Variants in PAPPA2 observed in about 807,000 individuals in gnomAD.
The protein encoded by PAPPA2 is pappalysin 2.
A neutral mutation model predicts 176.4 loss-of-function variants in PAPPA2; 86 were observed. The observed-to-expected ratio is 0.49, with a 90% CI of 0.41 to 0.58. The LOEUF is 0.58. Among genes scored for constraint, PAPPA2 ranks in the 20% least tolerant of loss-of-function variants. The probability of loss-of-function intolerance (pLI) is 0.00; values close to 1 mark genes in which losing one functional copy is unlikely to be tolerated. For missense variants in PAPPA2, 2,073 were observed against 2,256.9 expected (o/e 0.92, Z 1.65); for synonymous variants, 809 against 852.2 (o/e 0.95, Z 0.88).
Position 176,722,294 on chromosome 1 carries a change from G to T in PAPPA2, c.3798+10313G>T, listed in dbSNP as rs1033358958. 3.3e-5 allele frequency among the ~76,000 whole-genome samples: 5 copies of T among 151,752 alleles called. No individual in the cohort carries two copies. In the East Asian group the frequency reaches 7.7e-4, roughly 23 times the overall value. ...AATATCAAACACAATAAATTGTAGAGGCTCTGGCTAATATCTTCCTTTCAA... is the reference window on the plus strand; with the variant it reads ...AATATCAAACACAATAAATTGTAGATGCTCTGGCTAATATCTTCCTTTCAA... On this transcript the variant is annotated intron_variant, in intron 12 of 22. Coordinates refer to ENST00000367662, the MANE Select transcript of PAPPA2 (RefSeq NM_020318.3).
At chr1:176,777,308 G>A (rs1664500738) in intron 17 of PAPPA2, among the ~76,000 whole-genome samples, 3 of 152,158 alleles carry the variant, frequency 2.0e-5, no homozygotes, top group Non-Finnish European at 2.9e-5. Context: ...GGCACTGTTA[G>A]AGTAATACTT....
intron 1 of PAPPA2, among the ~76,000 whole-genome samples, chr1:176,511,676 T>TC (rs1343162712): frequency 6.6e-6 from 1 of 152,190 alleles, no homozygotes; most frequent in Admixed American, 6.6e-5. Context: ...TGAGTAGGCA[T>TC]CATCCAATCT....
chr1:176,827,520 C>A (rs1438881348), intron 21 of PAPPA2, among the ~76,000 whole-genome samples: 2 of 152,154 alleles, frequency 1.3e-5, no homozygotes, highest in Non-Finnish European at 2.9e-5. Flanking sequence ...CCCATGTACC[C>A]CATAAAGCCT....
Position 176,616,802 on chromosome 1 carries a change from A to G in PAPPA2, c.1991+21207A>G, listed in dbSNP as rs148612967. On this transcript the variant is annotated intron_variant, in intron 3 of 22. Transcript: ENST00000367662. ...TCATTCGAGGTGTATTAATTTAGTT[A>G]AAAAATACTCAATAGGGTTATGAAA... 36 of 800,608 alleles carry G rather than the reference A, an allele frequency of 4.5e-5. No homozygotes were observed. In the Admixed American group the frequency reaches 4.7e-4, roughly 10 times the overall value. The allele number at this position is 800,608 out of a possible 1,614,324, so 49.6% of individuals were successfully genotyped here. A position where few individuals can be genotyped will look rare whatever the true frequency, so the allele number is the denominator to read the frequency against.
At chr1:176,602,978 T>C (rs1654412534) in intron 3 of PAPPA2, among the ~76,000 whole-genome samples, 1 of 152,244 alleles carries the variant, frequency 6.6e-6, no homozygotes, top group East Asian at 1.9e-4. Flanking sequence ...TCACCTGGCT[T>C]GTGGACTTTC....
rs879381543 is a variant in PAPPA2 at position 176,735,696 on chromosome 1, CT to C, written c.3799-3929del. Among the ~76,000 whole-genome samples the C allele has an allele frequency of 2.2e-5, 3 of 136,770 alleles. No individual in the cohort carries two copies. The Admixed American group carries it at 2.2e-4, about 10-fold the overall frequency. The allele number at this position is 136,770 out of a possible 152,430, so 89.7% of individuals were successfully genotyped here. A position where few individuals can be genotyped will look rare whatever the true frequency, so the allele number is the denominator to read the frequency against. On this transcript the variant is annotated intron_variant, in intron 12 of 22. Coordinates refer to ENST00000367662, the MANE Select transcript of PAPPA2 (RefSeq NM_020318.3). ...TCTCAGAATCTATCTATCTATCTAT[CT>C]ATCTATCTATCTATCTATCTATCTA...
intron 2 of PAPPA2, among the ~76,000 whole-genome samples, chr1:176,561,324 C>T (rs1651657239): frequency 6.6e-6 from 1 of 152,172 alleles, no homozygotes; most frequent in African/African-American, 2.4e-5. Flanking sequence ...AAAGTGCCCA[C>T]CATAGGGCTT....
chr1:176,834,557 G>A (rs939110073), intron 21 of PAPPA2, among the ~76,000 whole-genome samples: 10 of 152,174 alleles, frequency 6.6e-5, no homozygotes, highest in African/African-American at 2.4e-4. Flanking sequence ...GCATAGTGTT[G>A]CTTCCTCCTG....
At chr1:176,468,382 G>A (rs1039178028) in intron 1 of PAPPA2, among the ~76,000 whole-genome samples, 3 of 152,152 alleles carry the variant, frequency 2.0e-5, no homozygotes, top group Non-Finnish European at 2.9e-5. Context: ...AACTAGGGAG[G>A]GGGTATCAGT....
chr1:176,571,643 C>T (rs560346708), intron 2 of PAPPA2, among the ~76,000 whole-genome samples: 6 of 152,294 alleles, frequency 3.9e-5, no homozygotes, highest in Admixed American at 3.3e-4. Flanking sequence ...CATTCTAGTC[C>T]GTGCAAACTC....
At chr1:176,726,805 G>C (rs919976828) in intron 12 of PAPPA2, among the ~76,000 whole-genome samples, 1 of 152,198 alleles carries the variant, frequency 6.6e-6, no homozygotes, top group African/African-American at 2.4e-5. Context: ...TTACTAAGGA[G>C]TGGTCTAGGG....
intron 21 of PAPPA2, among the ~76,000 whole-genome samples, chr1:176,807,783 A>G (rs1252365027): frequency 1.3e-5 from 2 of 152,108 alleles, no homozygotes; most frequent in African/African-American, 2.4e-5. Flanking sequence ...GGCGTGAGCC[A>G]CCATGCAAGG....
chr1:176,778,023 AAAAACAAAAC>A (rs1292224229), intron 17 of PAPPA2, among the ~76,000 whole-genome samples: 1 of 151,450 alleles, frequency 6.6e-6, no homozygotes, highest in Non-Finnish European at 1.5e-5. Context: ...TTCCTATGCT[AAAAACAAAAC>A]AAAACAAAAC....
At chr1:176,737,153 A>AT in intron 12 of PAPPA2, among the ~76,000 whole-genome samples, 1 of 152,034 alleles carries the variant, frequency 6.6e-6, no homozygotes. Context: ...ACCTGATTTC[A>AT]TTTAATAGCC....
chr1:176,691,497 C>A (rs541128900), intron 5 of PAPPA2, among the ~76,000 whole-genome samples: 11 of 152,198 alleles, frequency 7.2e-5, no homozygotes, highest in Non-Finnish European at 1.5e-4. Context: ...GGAGGCAGCA[C>A]CTTTGAAGCG....
chr1:176,545,545 C>A (rs757650495), intron 1 of PAPPA2, among the ~76,000 whole-genome samples: 50 of 152,036 alleles, frequency 3.3e-4, no homozygotes, highest in South Asian at 1.2e-3. Context: ...TAACAGAGAA[C>A]CTACATTGAT....
intron 2 of PAPPA2, among the ~76,000 whole-genome samples, chr1:176,592,599 A>G (rs1238062870): frequency 6.6e-6 from 1 of 152,170 alleles, no homozygotes; most frequent in East Asian, 1.9e-4. Flanking sequence ...AAAGTGTTTA[A>G]ATTGCAAGTA....
intron 14 of PAPPA2, among the ~76,000 whole-genome samples, chr1:176,761,950 G>A (rs1192880909): frequency 6.6e-6 from 1 of 152,218 alleles, no homozygotes; most frequent in Non-Finnish European, 1.5e-5. Flanking sequence ...TACTTATGTA[G>A]TATTAGGTAG....
At chr1:176,517,606 A>T (rs1262896245) in intron 1 of PAPPA2, among the ~76,000 whole-genome samples, 4 of 152,136 alleles carry the variant, frequency 2.6e-5, no homozygotes, top group African/African-American at 7.2e-5. Flanking sequence ...TAATATGGGG[A>T]CTGATGCAAT....
Sources: allele counts gnomAD v4.1 joint callset (sites outside exome capture counted in the v4.1 genomes callset), GRCh38; gene constraint gnomAD v4.1.1; transcripts MANE v1.5; gene names NCBI Gene and HGNC (gene_info 2026-07-23, HGNC 2026-07-21).